The following ZNF385D variants were observed in gnomAD, a reference collection of about 807,000 sequenced individuals.
The protein encoded by ZNF385D is zinc finger protein 385D.
Under a neutral mutation model 35.8 loss-of-function variants are expected in ZNF385D, and 15 were observed. The ratio of observed to expected loss-of-function variants is 0.42; its 90% CI spans 0.28 to 0.64. The LOEUF (loss-of-function observed/expected upper bound fraction) is 0.64, where lower values mean the gene tolerates loss of function less well. ZNF385D is among the 30% of genes least tolerant of loss of function. The probability of loss-of-function intolerance (pLI) is 0.23; values close to 1 mark genes in which losing one functional copy is unlikely to be tolerated. For synonymous variants in ZNF385D, 212 were observed against 186.8 expected (o/e 1.13, Z -1.10); for missense variants, 474 against 494.6 (o/e 0.96, Z 0.39).
At chr3:21,442,637 G>T (rs191451017) in intron 4 of ZNF385D, among the ~76,000 whole-genome samples, 1 of 150,846 alleles carries the variant, frequency 6.6e-6, no homozygotes, top group East Asian at 2.0e-4. Flanking sequence ...TTGGCACTGG[G>T]CTGTGCTTAA....
At chr3:21,900,552 T>C (rs1452852177) in intron 3 of ZNF385D, among the ~76,000 whole-genome samples, 1 of 152,152 alleles carries the variant, frequency 6.6e-6, no homozygotes, top group African/African-American at 2.4e-5. Context: ...TTAGTGTTCA[T>C]TTAGGTTCTT....
intron 3 of ZNF385D, among the ~76,000 whole-genome samples, chr3:22,009,626 AAAAAAAAT>A (rs1381805989): frequency 1.4e-5 from 1 of 69,660 alleles, no homozygotes; most frequent in Non-Finnish European, 2.7e-5. Flanking sequence ...CTGTCTCAAA[AAAAAAAAT>A]AAAAAAAAAA....
intron 3 of ZNF385D, among the ~76,000 whole-genome samples, chr3:21,941,100 T>C (rs1399918890): frequency 6.6e-6 from 1 of 152,230 alleles, no homozygotes; most frequent in Non-Finnish European, 1.5e-5. Context: ...ACACCTACTT[T>C]GTATTCTGTA....
intron 3 of ZNF385D, among the ~76,000 whole-genome samples, chr3:21,790,402 C>T (rs2071877688): frequency 6.6e-6 from 1 of 152,084 alleles, no homozygotes; most frequent in African/African-American, 2.4e-5. Context: ...GTAGAACTAA[C>T]ACACAGAGTT....
At chr3:22,288,459 A>T (rs1266724758) in intron 2 of ZNF385D, among the ~76,000 whole-genome samples, 1 of 150,768 alleles carries the variant, frequency 6.6e-6, no homozygotes, top group Non-Finnish European at 1.5e-5. Context: ...GTTTAAGTGG[A>T]TGATTTCCAG....
chr3:22,175,404 A>G (rs898357713), intron 2 of ZNF385D, among the ~76,000 whole-genome samples: 20 of 152,172 alleles, frequency 1.3e-4, no homozygotes, highest in African/African-American at 3.1e-4. Flanking sequence ...GACAATTATC[A>G]TAAGTGGATT....
Position 21,990,388 on chromosome 3 carries a change from C to T in ZNF385D, c.325+178429G>A, listed in dbSNP as rs914813682. 2.6e-5 allele frequency among the ~76,000 whole-genome samples: 4 copies of T among 152,192 alleles called. No homozygotes were observed. The South Asian group carries it at 8.3e-4, about 32-fold the overall frequency. On this transcript the variant is annotated intron_variant, in intron 3 of 5. Coordinates refer to the ZNF385D transcript ENST00000494108. ...AAATCACTCTCCATTTTCTATCTTA[C>T]CAGGCTATGAACTTACCTAACTTCC... is the stretch of plus-strand genomic sequence containing the variant.
intron 2 of ZNF385D, among the ~76,000 whole-genome samples, chr3:21,620,639 C>T (rs959745269): frequency 6.6e-6 from 1 of 152,142 alleles, no homozygotes; most frequent in African/African-American, 2.4e-5. Flanking sequence ...CCCCTAAGGG[C>T]ATTCTCATTT....
intron 1 of ZNF385D, among the ~76,000 whole-genome samples, chr3:21,737,268 G>A (rs528363132): frequency 1.3e-5 from 2 of 152,196 alleles, no homozygotes; most frequent in Non-Finnish European, 2.9e-5. Flanking sequence ...GAATTATTAT[G>A]CACTATGATA....
At chr3:21,512,632 CA>C (rs1707298089) in intron 3 of ZNF385D, among the ~76,000 whole-genome samples, 1 of 152,140 alleles carries the variant, frequency 6.6e-6, no homozygotes, top group Admixed American at 6.5e-5. Flanking sequence ...GCATCAGTTA[CA>C]AGTTTTCCAA....
At chr3:22,085,352 G>A (rs1385313510) in intron 3 of ZNF385D, among the ~76,000 whole-genome samples, 1 of 152,064 alleles carries the variant, frequency 6.6e-6, no homozygotes, top group Admixed American at 6.6e-5. Flanking sequence ...GAAGAAAAGA[G>A]AGAAGAATCA....
At chr3:22,114,704 T>C (rs1702720996) in intron 3 of ZNF385D, among the ~76,000 whole-genome samples, 1 of 152,242 alleles carries the variant, frequency 6.6e-6, no homozygotes, top group Non-Finnish European at 1.5e-5. Flanking sequence ...ATTTTTCTAC[T>C]AACTTTGAAT....
chr3:22,063,731 C>T lies in ZNF385D; in HGVS notation c.325+105086G>A, dbSNP rs537859199. ...AGAATTATACTTAGCTGAAAATAGG[C>T]GTCTCACCCAAAGTCACACCCTCTT... On this transcript the variant is annotated intron_variant, in intron 3 of 5. Coordinates refer to the ZNF385D transcript ENST00000494108. Among the ~76,000 whole-genome samples the T allele has an allele frequency of 1.4e-4, 22 of 152,242 alleles. 1 individual carries two copies. The East Asian group carries it at 1.5e-3, about 11-fold the overall frequency.
chr3:21,437,635 TTCTG>T lies in ZNF385D; in HGVS notation c.440-436_440-433del, dbSNP rs984361218. Among the ~76,000 whole-genome samples the T allele has an allele frequency of 3.3e-5, 5 of 149,512 alleles. No homozygotes were observed. The East Asian group carries it at 7.8e-4, about 23-fold the overall frequency. On this transcript the variant is annotated intron_variant, in intron 4 of 7. Transcript: ENST00000281523. ...TTTCTTTACTACTTATCTATTTTACTTCTGTCTTTCATTGTTTCTTTTTTTAATT... is the reference window on the plus strand; with the variant it reads ...TTTCTTTACTACTTATCTATTTTACTTCTTTCATTGTTTCTTTTTTTAATT...
At chr3:21,594,737 C>T (rs1322998999) in intron 2 of ZNF385D, among the ~76,000 whole-genome samples, 1 of 152,136 alleles carries the variant, frequency 6.6e-6, no homozygotes, top group East Asian at 1.9e-4. Context: ...AATTTTTAAA[C>T]TTTTCAATAA....
At chr3:22,008,360 C>CATTTTTTTTAT (rs773952386) in intron 3 of ZNF385D, among the ~76,000 whole-genome samples, 1 of 131,938 alleles carries the variant, frequency 7.6e-6, no homozygotes, top group Admixed American at 7.4e-5. Flanking sequence ...CCATGATTTT[C>CATTTTTTTTAT]TTTTTTTTTT....
At chr3:22,321,005 A>C (rs944034463) in intron 2 of ZNF385D, among the ~76,000 whole-genome samples, 8 of 151,922 alleles carry the variant, frequency 5.3e-5, no homozygotes, top group African/African-American at 1.9e-4. Context: ...TTGCGGAAAA[A>C]CATAATAAAT....
chr3:21,877,021 TC>T (rs1698012719), intron 3 of ZNF385D, among the ~76,000 whole-genome samples: 1 of 152,062 alleles, frequency 6.6e-6, no homozygotes, highest in African/African-American at 2.4e-5. Flanking sequence ...ATTTCTATGA[TC>T]CATTTGCTTT....
intron 2 of ZNF385D, among the ~76,000 whole-genome samples, chr3:21,642,679 G>C (rs1241553351): frequency 6.6e-6 from 1 of 152,076 alleles, no homozygotes; most frequent in African/African-American, 2.4e-5. Flanking sequence ...ATTCACAACA[G>C]TCAAAAAAGC....
Sources: gnomAD v4.1 joint callset for allele counts (sites outside exome capture counted in the v4.1 genomes callset) on GRCh38, gnomAD v4.1.1 for gene constraint, MANE v1.5 for transcripts, NCBI Gene and HGNC (gene_info 2026-07-23, HGNC 2026-07-21) for gene names.